The following LAMA2 variants were observed in gnomAD, a reference collection of about 807,000 sequenced individuals.
The protein encoded by LAMA2 is laminin subunit alpha 2.
LAMA2 carries 269 observed loss-of-function variants against 364.8 expected under a neutral mutation model. That is an observed-to-expected ratio of 0.74 (90% CI 0.67 to 0.82). LAMA2 has a LOEUF of 0.82. Among genes scored for constraint, LAMA2 ranks in the 40% least tolerant of loss-of-function variants. LAMA2 has a pLI of 0.00. For synonymous variants in LAMA2, 1,379 were observed against 1,370.6 expected (o/e 1.01, Z -0.14); for missense variants, 3,807 against 3,873.2 (o/e 0.98, Z 0.45).
At chr6:128,922,588 A>T (rs1482231294) in intron 1 of LAMA2, among the ~76,000 whole-genome samples, 1 of 151,514 alleles carries the variant, frequency 6.6e-6, no homozygotes, top group African/African-American at 2.4e-5. Context: ...GTTTGAGTTC[A>T]TTGTAGATTC....
chr6:129,232,175 T>A (rs1042090400), intron 12 of LAMA2, among the ~76,000 whole-genome samples: 3 of 152,138 alleles, frequency 2.0e-5, no homozygotes. Context: ...TCCTAATTTG[T>A]GTCGATATGT....
At chr6:128,994,646 C>A (rs1783813393) in intron 1 of LAMA2, among the ~76,000 whole-genome samples, 1 of 152,048 alleles carries the variant, frequency 6.6e-6, no homozygotes, top group South Asian at 2.1e-4. Context: ...CTAATACTAT[C>A]CTCTACTGTA....
At position 129,328,335 on chromosome 6, in the gene LAMA2, C is replaced by T. The variant is rs1775426933; in HGVS notation, c.4234C>T (p.Pro1412Ser). Reference protein sequence around the residue: ...RSQPGGRTPGPTLGTCVPCQC... With the variant: ...RSQPGGRTPGSTLGTCVPCQC... Reference sequence around the variant, plus strand: ...TCAACCAGGTGGCCGCACCCCTGGACCAACCCTGGGCACCTGTGTTCCATG... The same window carrying T: ...TCAACCAGGTGGCCGCACCCCTGGATCAACCCTGGGCACCTGTGTTCCATG... The change falls in exon 29 of 65, where the codon CCA becomes TCA. Residue 1412 changes from proline (P) to serine (S), a missense_variant. By Grantham distance (74) the Pro-to-Ser change is moderately conservative. Transcript: ENST00000421865. The T allele has an allele frequency of 1.2e-6, 2 of 1,614,072 alleles. No individual in the cohort carries two copies. Among genetic ancestry groups the T allele is most frequent in the Non-Finnish European group, 1.7e-6 (2 of 1,180,034 alleles).
At chr6:129,158,643 A>G in intron 8 of LAMA2, 2 of 1,614,218 alleles carry the variant, frequency 1.2e-6, no homozygotes, top group Non-Finnish European at 1.7e-6. Flanking sequence ...GCAGACAGCC[A>G]TAGAAATGAG....
At chr6:129,045,223 A>G (rs1476517791) in intron 1 of LAMA2, among the ~76,000 whole-genome samples, 1 of 152,230 alleles carries the variant, frequency 6.6e-6, no homozygotes. Context: ...GCACATAATC[A>G]GTAACTGTAA....
chr6:129,445,195 C>G (rs538171830), intron 44 of LAMA2, among the ~76,000 whole-genome samples: 2 of 152,078 alleles, frequency 1.3e-5, no homozygotes, highest in Admixed American at 6.6e-5. Flanking sequence ...GATAGCTTCT[C>G]TCTTTAAGAT....
chr6:129,359,879 CAGT>C (rs1313691555), intron 32 of LAMA2, among the ~76,000 whole-genome samples: 1 of 152,034 alleles, frequency 6.6e-6, no homozygotes, highest in Non-Finnish European at 1.5e-5. Flanking sequence ...GGTAGAAATG[CAGT>C]ATTTTGTGCT....
intron 3 of LAMA2, among the ~76,000 whole-genome samples, chr6:129,073,888 C>A (rs548480032): frequency 6.6e-6 from 1 of 152,036 alleles, no homozygotes; most frequent in African/African-American, 2.4e-5. Flanking sequence ...CAAGCTTGGT[C>A]GTTTTTGATT....
intron 1 of LAMA2, among the ~76,000 whole-genome samples, chr6:129,040,222 A>G (rs932473734): frequency 2.7e-4 from 41 of 152,352 alleles, no homozygotes; most frequent in African/African-American, 9.9e-4. Flanking sequence ...TCAGGAACAA[A>G]GGTGACTATG....
chr6:129,389,914 T>TG (rs1779226381), intron 35 of LAMA2, among the ~76,000 whole-genome samples: 1 of 152,056 alleles, frequency 6.6e-6, no homozygotes, highest in South Asian at 2.1e-4. Flanking sequence ...AGGTGGTCGG[T>TG]GGGGGGACAC....
intron 17 of LAMA2, among the ~76,000 whole-genome samples, chr6:129,276,897 A>G (rs1279861733): frequency 3.9e-5 from 6 of 152,134 alleles, no homozygotes; most frequent in Non-Finnish European, 5.9e-5. Flanking sequence ...ATGCATTCAC[A>G]TACATAAACA....
intron 1 of LAMA2, among the ~76,000 whole-genome samples, chr6:129,039,974 G>A (rs1014940288): frequency 6.6e-6 from 1 of 152,196 alleles, no homozygotes; most frequent in African/African-American, 2.4e-5. Flanking sequence ...TAAATGTAAA[G>A]TAAGGTTAGG....
At chr6:128,994,605 AG>A (rs1783810518) in intron 1 of LAMA2, among the ~76,000 whole-genome samples, 1 of 152,178 alleles carries the variant, frequency 6.6e-6, no homozygotes, top group African/African-American at 2.4e-5. Flanking sequence ...TTTTTAAAAT[AG>A]CTTGTATCAC....
At chr6:129,245,058 A>G (rs901414574) in intron 12 of LAMA2, among the ~76,000 whole-genome samples, 1 of 152,124 alleles carries the variant, frequency 6.6e-6, no homozygotes, top group Non-Finnish European at 1.5e-5. Context: ...CTTAGCCTAG[A>G]ACCATCTCCA....
chr6:129,078,809 C>A (rs1337196436), intron 3 of LAMA2, among the ~76,000 whole-genome samples: 1 of 152,152 alleles, frequency 6.6e-6, no homozygotes, highest in South Asian at 2.1e-4. Flanking sequence ...TCTCTCTCCC[C>A]CAGTCCCTGG....
At chr6:129,442,247 T>C in intron 43 of LAMA2, 2 of 1,304,514 alleles carry the variant, frequency 1.5e-6, no homozygotes, top group South Asian at 1.2e-5. Flanking sequence ...GATGCTATGA[T>C]ATAATAGACA....
intron 32 of LAMA2, among the ~76,000 whole-genome samples, chr6:129,364,316 C>A (rs1031320669): frequency 1.3e-5 from 2 of 152,082 alleles, no homozygotes; most frequent in African/African-American, 4.8e-5. Flanking sequence ...GTTTAGAGAC[C>A]TAATTGAATT....
chr6:129,208,366 G>T (rs1782819771), intron 12 of LAMA2, among the ~76,000 whole-genome samples: 1 of 151,896 alleles, frequency 6.6e-6, no homozygotes, highest in Non-Finnish European at 1.5e-5. Context: ...ATAAGCATTT[G>T]GTATTAGCTA....
At chr6:129,262,750 G>A (rs556473870) in intron 15 of LAMA2, among the ~76,000 whole-genome samples, 2 of 152,150 alleles carry the variant, frequency 1.3e-5, no homozygotes, top group African/African-American at 4.8e-5. Flanking sequence ...ATTAAGTGTA[G>A]TTTGTAAGGC....
Sources: gnomAD v4.1 joint callset for allele counts (sites outside exome capture counted in the v4.1 genomes callset) on GRCh38, gnomAD v4.1.1 for gene constraint, MANE v1.5 for transcripts, NCBI Gene and HGNC (gene_info 2026-07-23, HGNC 2026-07-21) for gene names.